The following SRFBP1 variants were observed in gnomAD, a reference collection of about 807,000 sequenced individuals.
SRFBP1 encodes serum response factor-binding protein 1.
SRFBP1 carries 47 observed loss-of-function variants against 45.5 expected under a neutral mutation model. That is an observed-to-expected ratio of 1.03 (90% CI 0.82 to 1.32). The LOEUF (loss-of-function observed/expected upper bound fraction) is 1.32, where lower values mean the gene tolerates loss of function less well. Among genes scored for constraint, SRFBP1 ranks in the 40% most tolerant of loss-of-function variants. The probability of loss-of-function intolerance (pLI) is 0.00; values close to 1 mark genes in which losing one functional copy is unlikely to be tolerated. For synonymous variants in SRFBP1, 203 were observed against 166.3 expected, an observed-to-expected ratio of 1.22 and a Z score of -1.70; for missense variants, 621 against 484.6, an observed-to-expected ratio of 1.28 and a Z score of -2.64.
chr5:122,058,199 T>C (rs1754115759), intron 2 of SRFBP1, among the ~76,000 whole-genome samples: 1 of 152,180 alleles, frequency 6.6e-6, no homozygotes, highest in Non-Finnish European at 1.5e-5. Flanking sequence ...AGTCTTCCTA[T>C]AGAATGACAT....
chr5:122,005,213 C>T (rs775826600), intron 4 of SRFBP1, among the ~76,000 whole-genome samples: 5 of 152,072 alleles, frequency 3.3e-5, no homozygotes, highest in Admixed American at 6.5e-5. Flanking sequence ...TTTTCTGCCT[C>T]GATGACCTGT....
chr5:122,021,370 T>C (rs1753318442), intron 6 of SRFBP1, among the ~76,000 whole-genome samples: 1 of 152,210 alleles, frequency 6.6e-6, no homozygotes, highest in Admixed American at 6.5e-5. Flanking sequence ...GTAATTCCAA[T>C]TTGATAAAGG....
chr5:122,009,099 CA>C (rs1340527670), intron 4 of SRFBP1, among the ~76,000 whole-genome samples: 5 of 152,126 alleles, frequency 3.3e-5, no homozygotes, highest in African/African-American at 1.2e-4. Context: ...TAGTCTTTTT[CA>C]TTTTAGACAT....
intron 2 of SRFBP1, among the ~76,000 whole-genome samples, chr5:122,046,427 T>G (rs1208560328): frequency 6.6e-6 from 1 of 152,190 alleles, no homozygotes; most frequent in African/African-American, 2.4e-5. Flanking sequence ...GTGCCACATT[T>G]TCTTAATCCA....
chr5:122,019,292 C>T lies in SRFBP1; in HGVS notation c.303C>T (p.Ala101=). The T allele has an allele frequency of 6.2e-7, 1 of 1,612,378 alleles. No individual in the cohort carries two copies. The highest frequency in any genetic ancestry group is 8.5e-7 in the Non-Finnish European group (1 of 1,179,100). ...CTACTGCAACTGAAAGAGCAATTGCCAGACTAGCAGTACATCCTCTTCTGA... is the reference window on the plus strand; with the variant it reads ...CTACTGCAACTGAAAGAGCAATTGCTAGACTAGCAGTACATCCTCTTCTGA... ...PDSTATERAI[A]RLAVHPLLKK... is the part of the protein sequence containing the mutation. Residue 101 remains alanine (A), a synonymous_variant, in exon 5 of 8, where the codon GCC becomes GCT. Transcript: ENST00000339397.
Position 122,020,720 on chromosome 5 carries a change from G to A in SRFBP1, c.985G>A (p.Asp329Asn). The change falls in exon 6 of 8, where the codon GAC becomes AAC. Residue 329 changes from aspartate (D) to asparagine (N), a missense_variant. Coordinates refer to ENST00000339397, the MANE Select transcript of SRFBP1 (RefSeq NM_152546.3). The part of the protein sequence containing the change: ...TGETHGDTRN[D>N]KIKPSTETRK... ...TGAAACTCATGGGGATACAAGAAAT[G>A]ACAAAATCAAGCCAAGTACAGAAAC... 1 of 1,611,626 alleles carries A rather than the reference G, an allele frequency of 6.2e-7. No homozygotes were observed. Among genetic ancestry groups the A allele is most frequent in the Non-Finnish European group, 8.5e-7 (1 of 1,179,436 alleles).
intron 4 of SRFBP1, among the ~76,000 whole-genome samples, chr5:122,014,140 CTA>C (rs1753149087): frequency 6.6e-6 from 1 of 152,052 alleles, no homozygotes; most frequent in African/African-American, 2.4e-5. Flanking sequence ...ACTTTGTACT[CTA>C]TAAGTGTCTA....
Position 122,020,117 on chromosome 5 carries a change from C to A in SRFBP1, c.382C>A (p.Gln128Lys). The A allele has an allele frequency of 6.3e-7, 1 of 1,578,938 alleles. No homozygotes were observed. The highest frequency in any genetic ancestry group is 8.6e-7 in the Non-Finnish European group (1 of 1,165,928). Reference protein sequence around the residue: ...AAVQAFKEARQNVAEVESSKN... With the variant: ...AAVQAFKEARKNVAEVESSKN... ...TGTACAAGCCTTTAAAGAAGCAAGACAAAATGTTGCTGAAGTTGAGTCATC... is the reference window on the plus strand; with the variant it reads ...TGTACAAGCCTTTAAAGAAGCAAGAAAAAATGTTGCTGAAGTTGAGTCATC... Residue 128 changes from glutamine to lysine, a missense_variant, in exon 6 of 8, where the codon CAA (glutamine) becomes AAA (lysine). Coordinates refer to ENST00000339397, the MANE Select transcript of SRFBP1 (RefSeq NM_152546.3).
intron 6 of SRFBP1, 38 bp from the exon 7 acceptor site, chr5:122,022,332 A>C: frequency 6.4e-7 from 1 of 1,555,190 alleles, no homozygotes; most frequent in Non-Finnish European, 8.8e-7. Flanking sequence ...CAGAGGATTT[A>C]TCTTTAAAAA....
At chr5:121,975,994 G>A (rs1752295117) in intron 3 of SRFBP1, among the ~76,000 whole-genome samples, 1 of 151,556 alleles carries the variant, frequency 6.6e-6, no homozygotes, top group African/African-American at 2.4e-5. Context: ...CTGGGAGACT[G>A]TTTTACTGTA....
chr5:122,038,079 T>G (rs961765931), intron 2 of SRFBP1, among the ~76,000 whole-genome samples: 9 of 152,186 alleles, frequency 5.9e-5, no homozygotes, highest in Non-Finnish European at 1.3e-4. Flanking sequence ...GCCTACCTTT[T>G]TAAGATGAAG....
downstream of SRFBP1, chr5:122,077,847 G>T: frequency 6.5e-7 from 1 of 1,547,610 alleles, no homozygotes; most frequent in South Asian, 1.2e-5. This position sits in a 1 kb window ranked among gnomAD's most constrained non-coding sequence, Gnocchi z 4.9. Context: ...TTCTCCCATT[G>T]GATCTGCTGG....
chr5:122,054,188 T>C (rs1450761176), intron 2 of SRFBP1, among the ~76,000 whole-genome samples: 1 of 152,198 alleles, frequency 6.6e-6, no homozygotes, highest in Non-Finnish European at 1.5e-5. Context: ...ACAAAACATC[T>C]GAGTGGCTCC....
chr5:122,045,113 G>A (rs762241613), intron 2 of SRFBP1, among the ~76,000 whole-genome samples: 1 of 152,128 alleles, frequency 6.6e-6, no homozygotes, highest in Non-Finnish European at 1.5e-5. Context: ...TATGAACAGA[G>A]AGTCCTATCC....
chr5:122,077,778 G>A (rs1225418866), downstream of SRFBP1: 1 of 1,548,948 alleles, frequency 6.5e-7, no homozygotes, highest in Middle Eastern at 1.7e-4. This position sits in a 1 kb window ranked among gnomAD's most constrained non-coding sequence, Gnocchi z 4.9. Flanking sequence ...CCCGGGTCCC[G>A]GCGGCGCTGA....
intron 4 of SRFBP1, among the ~76,000 whole-genome samples, chr5:122,015,573 A>G (rs978799043): frequency 2.0e-5 from 3 of 152,252 alleles, no homozygotes; most frequent in African/African-American, 7.2e-5. Flanking sequence ...GTGAGTGCAG[A>G]CATAGGCAAT....
At chr5:122,068,267 A>G (rs1281221270) in intron 2 of SRFBP1, among the ~76,000 whole-genome samples, 6 of 151,982 alleles carry the variant, frequency 3.9e-5, no homozygotes, top group African/African-American at 1.2e-4. Flanking sequence ...CAATACAACA[A>G]TTTTTATTTC....
At chr5:122,022,104 A>G (rs1045132073) in intron 6 of SRFBP1, among the ~76,000 whole-genome samples, 6 of 152,192 alleles carry the variant, frequency 3.9e-5, no homozygotes, top group Non-Finnish European at 7.3e-5. Flanking sequence ...AACCAAGACA[A>G]GATATTTCCC....
intron 1 of SRFBP1, 46 bp from the exon 2 acceptor site, chr5:121,974,150 C>A: frequency 7.5e-7 from 1 of 1,336,558 alleles, no homozygotes; most frequent in South Asian, 1.2e-5. Context: ...TGTGTTTGTT[C>A]CTGAAGTAAG....
Sources: allele counts gnomAD v4.1 joint callset (sites outside exome capture counted in the v4.1 genomes callset), GRCh38; gene constraint gnomAD v4.1.1; non-coding constraint Gnocchi (gnomAD v3.1); transcripts MANE v1.5; gene names NCBI Gene and HGNC (gene_info 2026-07-23, HGNC 2026-07-21).